The following PLEKHG1 variants were observed in gnomAD, a reference collection of about 807,000 sequenced individuals.
The protein encoded by PLEKHG1 is pleckstrin homology and RhoGEF domain containing G1.
Under a neutral mutation model 100.8 loss-of-function variants are expected in PLEKHG1, and 44 were observed. The ratio of observed to expected loss-of-function variants is 0.44; its 90% confidence interval spans 0.34 to 0.56. PLEKHG1 has a LOEUF of 0.56. Ranked by LOEUF, PLEKHG1 falls within the 20% of genes least tolerant of loss-of-function variation. PLEKHG1 has a pLI of 0.01. For synonymous variants in PLEKHG1, 640 were observed against 662.5 expected (o/e 0.97, Z 0.52); for missense variants, 1,545 against 1,720.9 (o/e 0.90, Z 1.81).
At chr6:150,702,726 A>G (rs1055450083) in intron 3 of PLEKHG1, among the ~76,000 whole-genome samples, 1 of 152,210 alleles carries the variant, frequency 6.6e-6, no homozygotes, top group Non-Finnish European at 1.5e-5. Context: ...CTGTTGGGGA[A>G]ATAATAACCC....
intron 2 of PLEKHG1, among the ~76,000 whole-genome samples, chr6:150,764,456 C>T (rs1784355155): frequency 6.6e-6 from 1 of 152,136 alleles, no homozygotes; most frequent in Non-Finnish European, 1.5e-5. Flanking sequence ...TCTTTAATCT[C>T]ACCACACGCT....
chr6:150,657,641 A>G (rs1779020270), intron 3 of PLEKHG1, among the ~76,000 whole-genome samples: 1 of 152,230 alleles, frequency 6.6e-6, no homozygotes, highest in Non-Finnish European at 1.5e-5. Flanking sequence ...TTTCAGATGC[A>G]TAATGGTTAG....
chr6:150,706,681 A>G (rs1781021319), intron 3 of PLEKHG1, among the ~76,000 whole-genome samples: 1 of 151,736 alleles, frequency 6.6e-6, no homozygotes, highest in African/African-American at 2.4e-5. Flanking sequence ...TTGGTTTGGC[A>G]GAATTAATTG....
exon 12 of PLEKHG1, chr6:150,819,702 C>A: frequency 6.2e-7 from 1 of 1,611,088 alleles, no homozygotes; most frequent in East Asian, 2.2e-5. Context: ...CTGTTACAGT[C>A]CTGAGGGAGG....
chr6:150,810,527 A>AAAGAAAGAAAGAAAGAAAGAAAGG (rs1562540240), intron 10 of PLEKHG1, among the ~76,000 whole-genome samples: 34 of 88,146 alleles, frequency 3.9e-4, no homozygotes, highest in African/African-American at 1.2e-3. Flanking sequence ...AGAAAGAAAG[A>AAAGAAAGAAAGAAAGAAAGAAAGG]AAGAAAGAAA....
chr6:150,629,030 A>G (rs1459935280), intron 1 of PLEKHG1, among the ~76,000 whole-genome samples: 1 of 152,230 alleles, frequency 6.6e-6, no homozygotes, highest in East Asian at 1.9e-4. Context: ...CATTGGCCAC[A>G]GTGGAATAAA....
rs575316174 is a variant in PLEKHG1 at position 150,802,770 on chromosome 6, C to T, written c.781-1840C>T. 1.6e-4 allele frequency among the ~76,000 whole-genome samples: 24 copies of T among 151,742 alleles called. No individual in the cohort carries two copies. The East Asian group carries it at 2.7e-3, about 17-fold the overall frequency. ...CCGCCTCCCGGGTTCAAGCGATTCT[C>T]CTGCCTCAGCTTCCCGAGTAGCTGG... On this transcript the variant is annotated intron_variant, in intron 6 of 15. Transcript: ENST00000358517.
chr6:150,747,919 A>G lies in PLEKHG1; in HGVS notation c.411+13827A>G, dbSNP rs529156176. Among the ~76,000 whole-genome samples, 5 of 151,974 alleles carry G rather than the reference A, an allele frequency of 3.3e-5. No homozygotes were observed. The East Asian group carries it at 9.6e-4, about 29-fold the overall frequency. ...CTCAAAAAAAAAAAAAAAGTTAAGCATGCAGTTCAGTGGTACCAAGTACAT... is the reference window on the plus strand; with the variant it reads ...CTCAAAAAAAAAAAAAAAGTTAAGCGTGCAGTTCAGTGGTACCAAGTACAT... On this transcript the variant is annotated intron_variant, in intron 2 of 15. Transcript: ENST00000358517.
At chr6:150,611,811 CAAAAA>C (rs35351890) in intron 1 of PLEKHG1, among the ~76,000 whole-genome samples, 2 of 121,578 alleles carry the variant, frequency 1.6e-5, no homozygotes, top group Non-Finnish European at 1.8e-5. Flanking sequence ...GACTCCATCT[CAAAAA>C]AAAAAAAAAA....
intron 3 of PLEKHG1, among the ~76,000 whole-genome samples, chr6:150,674,623 T>TCCCTC: frequency 9.5e-6 from 1 of 105,000 alleles, no homozygotes; most frequent in Middle Eastern, 5.2e-3. Context: ...TAACTTTCTC[T>TCCCTC]CTCTCCTCCC....
chr6:150,758,997 C>T (rs34254299), intron 2 of PLEKHG1, among the ~76,000 whole-genome samples: 6 of 152,162 alleles, frequency 3.9e-5, no homozygotes, highest in African/African-American at 9.7e-5. Context: ...TGATCGAATG[C>T]GTCTGCCCTG....
At chr6:150,707,277 T>A (rs1781061545) in intron 3 of PLEKHG1, among the ~76,000 whole-genome samples, 1 of 152,170 alleles carries the variant, frequency 6.6e-6, no homozygotes, top group Non-Finnish European at 1.5e-5. Flanking sequence ...GTGCTGGGAT[T>A]ACAGGTGTGA....
At chr6:150,657,613 ATATGTTTCAAGGC>A (rs1287284260) in intron 3 of PLEKHG1, among the ~76,000 whole-genome samples, 1 of 152,172 alleles carries the variant, frequency 6.6e-6, no homozygotes, top group African/African-American at 2.4e-5. Flanking sequence ...TTTTCCCTTA[ATATGTTTCAAGGC>A]TATGTTTCAG....
intron 5 of PLEKHG1, among the ~76,000 whole-genome samples, chr6:150,796,178 C>G (rs1039590689): frequency 6.6e-6 from 1 of 152,208 alleles, no homozygotes; most frequent in Non-Finnish European, 1.5e-5. Context: ...GGAAACTAAG[C>G]AAGCTATTGC....
intron 1 of PLEKHG1, among the ~76,000 whole-genome samples, chr6:150,627,382 T>C (rs1777551174): frequency 6.6e-6 from 1 of 152,166 alleles, no homozygotes; most frequent in Non-Finnish European, 1.5e-5. Flanking sequence ...ATTGAAAATT[T>C]TTCTTCAAAA....
intron 2 of PLEKHG1, among the ~76,000 whole-genome samples, chr6:150,648,110 G>A (rs989326613): frequency 2.0e-5 from 3 of 151,978 alleles, no homozygotes; most frequent in African/African-American, 7.2e-5. Flanking sequence ...TTTTCAGACT[G>A]TCTTCATTTT....
chr6:150,791,275 G>A (rs980012058), intron 4 of PLEKHG1, among the ~76,000 whole-genome samples: 18 of 152,130 alleles, frequency 1.2e-4, no homozygotes, highest in Non-Finnish European at 2.5e-4. Context: ...AACATGATTT[G>A]TTTATCTAGG....
chr6:150,607,480 T>C (rs959213824), intron 1 of PLEKHG1, among the ~76,000 whole-genome samples: 4 of 152,216 alleles, frequency 2.6e-5, no homozygotes, highest in Admixed American at 6.5e-5. Context: ...TAAGCATCTA[T>C]GTTGTGCTAA....
chr6:150,747,150 G>T (rs1783207662), intron 2 of PLEKHG1, among the ~76,000 whole-genome samples: 1 of 152,226 alleles, frequency 6.6e-6, no homozygotes, highest in African/African-American at 2.4e-5. Flanking sequence ...CATTTTAAGT[G>T]TGTGCCATCT....
Sources: allele counts gnomAD v4.1 joint callset (sites outside exome capture counted in the v4.1 genomes callset), GRCh38; gene constraint gnomAD v4.1.1; transcripts MANE v1.5; gene names NCBI Gene and HGNC (gene_info 2026-07-23, HGNC 2026-07-21).